The following CAMK2B variants were observed in gnomAD, a reference collection of about 807,000 sequenced individuals.
CAMK2B encodes the protein calcium/calmodulin-dependent protein kinase type II subunit beta.
In CAMK2B, 27 loss-of-function variants were observed where a neutral mutation model predicts 93.7. The ratio of observed to expected loss-of-function variants is 0.29; its 90% CI spans 0.21 to 0.40. The LOEUF (loss-of-function observed/expected upper bound fraction) is 0.40, where lower values mean the gene tolerates loss of function less well. Ranked by LOEUF, CAMK2B falls within the 10% of genes least tolerant of loss-of-function variation. CAMK2B has a pLI of 1.00. For missense variants in CAMK2B, 568 were observed against 895.8 expected (o/e 0.63, Z 4.67); for synonymous variants, 374 against 358.8 (o/e 1.04, Z -0.48).
In CAMK2B at chr7:44,228,824, C is replaced by G; in HGVS notation, c.1440G>C (p.Pro480=). The G allele has an allele frequency of 6.5e-7, 1 of 1,538,376 alleles. No homozygotes were observed. Among genetic ancestry groups the G allele is most frequent in the Admixed American group, 2.2e-5 (1 of 45,832 alleles). The change falls in exon 19 of 24, where the codon CCG becomes CCC. Residue 480 remains proline, a synonymous_variant. Coordinates refer to ENST00000395749, the MANE Select transcript of CAMK2B (RefSeq NM_001220.5). The stretch of plus-strand genomic sequence containing the variant: ...GGGAGGACAGGGGGCCTAGGAGAGC[C>G]GGAGACAGGCAGGGCGGGGGCCCCG... ...LSAGPPPCLS[P]ALLGPLSSPS...
At chr7:44,241,634 C>T (rs2096679871) in intron 11 of CAMK2B, 66 bp downstream of exon 11, 2 of 1,321,802 alleles carry the variant, frequency 1.5e-6, no homozygotes, top group South Asian at 1.2e-5. Context: ...CCAAGGCCCC[C>T]CTGCTCCAGC....
At chr7:44,234,608 C>A in intron 14 of CAMK2B, 31 bp downstream of exon 14, 12 of 1,613,436 alleles carry the variant, frequency 7.4e-6, no homozygotes, top group Non-Finnish European at 1.0e-5. Flanking sequence ...TCTGGGCTCC[C>A]CGGCACCACA....
At chr7:44,245,004 C>G in intron 6 of CAMK2B, 1 of 455,624 alleles carries the variant, frequency 2.2e-6, no homozygotes, top group South Asian at 1.6e-5. Flanking sequence ...AGGCCCCAAG[C>G]TCCCCGTGCA....
At chr7:44,221,097 C>G in intron 20 of CAMK2B, 196 bp from the exon 21 acceptor site, 1 of 584,172 alleles carries the variant, frequency 1.7e-6, no homozygotes, top group Non-Finnish European at 3.0e-6. Context: ...GCAACAGCTT[C>G]CATCTTATTT....
At chr7:44,249,461 G>T (rs1480004351) in intron 5 of CAMK2B, among the ~76,000 whole-genome samples, 2 of 152,218 alleles carry the variant, frequency 1.3e-5, no homozygotes, top group Admixed American at 1.3e-4. Context: ...GCGTGGTGTG[G>T]ACGGTAGCAG....
chr7:44,244,310 C>T (rs1207198280), intron 6 of CAMK2B, among the ~76,000 whole-genome samples: 1 of 152,194 alleles, frequency 6.6e-6, no homozygotes, highest in Non-Finnish European at 1.5e-5. Context: ...CCAAGGAGGC[C>T]TGGGGGCACT....
At chr7:44,263,114 G>A (rs2129039623) in intron 2 of CAMK2B, 50 bp from the exon 3 acceptor site, 1 of 1,572,498 alleles carries the variant, frequency 6.4e-7, no homozygotes, top group East Asian at 2.2e-5. Context: ...GCAACTGGTG[G>A]CCCAGGGATC....
chr7:44,240,262 AG>A lies in CAMK2B; in HGVS notation c.946+444del, dbSNP rs766949543. Among the ~76,000 whole-genome samples the A allele has an allele frequency of 1.5e-3, 223 of 152,262 alleles. 1 individual carries two copies. Among genetic ancestry groups the A allele is most frequent in the Middle Eastern group, 6.8e-3 (2 of 294 alleles). On this transcript the variant is annotated intron_variant, in intron 12 of 23. Coordinates refer to ENST00000395749, the MANE Select transcript of CAMK2B (RefSeq NM_001220.5). ...ACCCACCCTGAGCAGCCGGGACAGGAGGCTGCAGCTCATCCAGAACTTGGAA... is the reference window on the plus strand; with the variant it reads ...ACCCACCCTGAGCAGCCGGGACAGGAGCTGCAGCTCATCCAGAACTTGGAA...
chr7:44,229,622 T>C, intron 17 of CAMK2B, 121 bp from the exon 18 acceptor site: 1 of 311,824 alleles, frequency 3.2e-6, no homozygotes, highest in Non-Finnish European at 5.6e-6. Flanking sequence ...TACCTGGGGC[T>C]CCTGGGGTGG....
chr7:44,245,922 A>C (rs1383307517), intron 6 of CAMK2B, among the ~76,000 whole-genome samples: 1 of 152,126 alleles, frequency 6.6e-6, no homozygotes, highest in Non-Finnish European at 1.5e-5. Context: ...AGGCTGAACC[A>C]AGCCTTGGGG....
chr7:44,218,184 GC>G lies in CAMK2B; in HGVS notation c.*1340del, dbSNP rs1356286881. 1 of 152,988 alleles carries G rather than the reference GC, an allele frequency of 6.5e-6. No homozygotes were observed. 9.5% of individuals were successfully genotyped at this position (152,988 alleles called of 1,614,324 possible). A position where few individuals can be genotyped will look rare whatever the true frequency, so the allele number is the denominator to read the frequency against. On this transcript the variant is annotated 3_prime_UTR_variant, in exon 24 of 24. Coordinates refer to ENST00000395749, the MANE Select transcript of CAMK2B (RefSeq NM_001220.5). ...AGCACTGCCCTCACGCCTCCCATGT[GC>G]CCTAGGCTGGCTCCCACTGTAGCTT...
chr7:44,263,462 G>T (rs947188215), intron 2 of CAMK2B, among the ~76,000 whole-genome samples: 2 of 152,196 alleles, frequency 1.3e-5, no homozygotes, highest in Non-Finnish European at 2.9e-5. Context: ...GAATGGGGCC[G>T]GGAGGGGGTT....
rs538683217 is a variant in CAMK2B at position 44,261,448 on chromosome 7, C to A, written c.220+1557G>T. On this transcript the variant is annotated intron_variant, in intron 3 of 23. Coordinates refer to ENST00000395749, the MANE Select transcript of CAMK2B (RefSeq NM_001220.5). ...TCCCTGGGGGCGCTGCAGGGCTGAT[C>A]TCATGGTGGGGGCTGCCCCTGCCCT... Among the ~76,000 whole-genome samples, 37 of 152,310 alleles carry A rather than the reference C, an allele frequency of 2.4e-4. No individual in the cohort carries two copies. In the East Asian group the frequency reaches 7.2e-3, roughly 29 times the overall value.
At chr7:44,223,717 G>T (rs1471772214) in intron 20 of CAMK2B, among the ~76,000 whole-genome samples, 1 of 151,934 alleles carries the variant, frequency 6.6e-6, no homozygotes, top group East Asian at 1.9e-4. Context: ...CTTCAGGTCT[G>T]ACCTCTCTTC....
rs985716187 is a variant in CAMK2B, at chr7:44,305,833, C to T, written c.65+19524G>A. ...AGAGACAGCTCTTCCAGCTAGAGAACAGACTTTCACATTTTCTGGATTCTT... is the reference window on the plus strand; with the variant it reads ...AGAGACAGCTCTTCCAGCTAGAGAATAGACTTTCACATTTTCTGGATTCTT... On this transcript the variant is annotated intron_variant, in intron 1 of 23. Transcript: ENST00000395749. Among the ~76,000 whole-genome samples the T allele has an allele frequency of 3.3e-5, 5 of 152,342 alleles. No individual in the cohort carries two copies. The East Asian group carries it at 9.6e-4, about 29-fold the overall frequency.
rs946457325 is a variant in CAMK2B, at chr7:44,248,470, G to T, written c.342-1278C>A. ...CAGGGTGATAGCAGCCACCACCTCC[G>T]AGGCTGCCCTGCTGGGCCTGGAGGC... On this transcript the variant is annotated intron_variant, in intron 5 of 23. Coordinates refer to ENST00000395749, the MANE Select transcript of CAMK2B (RefSeq NM_001220.5). The surrounding 1 kb of genome is among the most constrained non-coding windows in gnomAD (Gnocchi z 4.1). Among the ~76,000 whole-genome samples, 1 of 152,172 alleles carries T rather than the reference G, an allele frequency of 6.6e-6. No homozygotes were observed. The highest frequency in any genetic ancestry group is 1.5e-5 in the Non-Finnish European group (1 of 68,028).
chr7:44,228,923 G>A lies in CAMK2B; in HGVS notation c.1341C>T (p.Ser447=), dbSNP rs1232144788. 3 of 1,609,792 alleles carry A rather than the reference G, an allele frequency of 1.9e-6. No homozygotes were observed. Among genetic ancestry groups the A allele is most frequent in the African/African-American group, 2.7e-5 (2 of 74,882 alleles). ...AGTTCAGGATGTCAGAGATCCTGGG[G>A]GCTGGGGTGGAACAGATGAGACGTG... is the stretch of plus-strand genomic sequence containing the variant. The part of the protein sequence containing the change: ...PAPFSPLPAP[S]PRISDILNSV... Residue 447 remains serine, a splice_region_variant and synonymous_variant, in exon 19 of 24, where the codon TCC becomes TCT. Transcript: ENST00000395749.
intron 20 of CAMK2B, among the ~76,000 whole-genome samples, chr7:44,221,320 C>T (rs545504127): frequency 2.0e-5 from 3 of 152,210 alleles, no homozygotes; most frequent in African/African-American, 7.2e-5. Flanking sequence ...TGCAGCTTCC[C>T]GGCCCCACTC....
intron 3 of CAMK2B, among the ~76,000 whole-genome samples, chr7:44,261,852 T>A (rs1318958462): frequency 6.6e-6 from 1 of 152,134 alleles, no homozygotes; most frequent in Admixed American, 6.5e-5. Flanking sequence ...AGTCCTGGGT[T>A]ACTAAGAGGA....
Sources: allele counts gnomAD v4.1 joint callset (sites outside exome capture counted in the v4.1 genomes callset), GRCh38; gene constraint gnomAD v4.1.1; non-coding constraint Gnocchi (gnomAD v3.1); transcripts MANE v1.5; gene names NCBI Gene and HGNC (gene_info 2026-07-23, HGNC 2026-07-21).